The following ATP2C1 variants were observed in gnomAD, a reference collection of about 807,000 sequenced individuals.
ATP2C1 encodes ATPase secretory pathway Ca2+ transporting 1, also known as calcium-transporting ATPase type 2C member 1.
ATP2C1 carries 31 observed loss-of-function variants against 120.5 expected under a neutral mutation model. That is an observed-to-expected ratio of 0.26 (90% CI 0.19 to 0.35). The LOEUF (loss-of-function observed/expected upper bound fraction) is 0.35. Among genes scored for constraint, ATP2C1 ranks in the 10% least tolerant of loss-of-function variants. The pLI, the probability that ATP2C1 is intolerant of heterozygous loss-of-function variation, is 1.00. For missense variants in ATP2C1, 731 were observed against 1,107.5 expected (o/e 0.66, Z 4.83); for synonymous variants, 351 against 358.7 (o/e 0.98, Z 0.24).
chr3:130,934,832 T>C, intron 5 of ATP2C1, 121 bp downstream of exon 5: 1 of 720,114 alleles, frequency 1.4e-6, no homozygotes, highest in Non-Finnish European at 2.4e-6. Flanking sequence ...AAATTCTGCT[T>C]TTATTTTATT....
intron 2 of ATP2C1, among the ~76,000 whole-genome samples, chr3:130,905,227 G>A (rs2669865): frequency 0.17 from 26,152 of 151,854 alleles, 2,433 homozygotes; most frequent in Middle Eastern, 0.22. Flanking sequence ...AGCTAGCAGT[G>A]TATATGTTTG....
chr3:130,966,014 G>T (rs759474039), intron 14 of ATP2C1, among the ~76,000 whole-genome samples: 1 of 152,158 alleles, frequency 6.6e-6, no homozygotes, highest in East Asian at 1.9e-4. Context: ...TTATGGACAG[G>T]TCTAATCCTA....
intron 1 of ATP2C1, among the ~76,000 whole-genome samples, chr3:130,879,802 T>C (rs1294115294): frequency 6.6e-6 from 1 of 152,260 alleles, no homozygotes; most frequent in Admixed American, 6.5e-5. Flanking sequence ...TTTCTTTGGC[T>C]GTCATCAACA....
At chr3:131,013,364 C>T (rs1449133590) in intron 26 of ATP2C1, among the ~76,000 whole-genome samples, 1 of 152,162 alleles carries the variant, frequency 6.6e-6, no homozygotes, top group East Asian at 1.9e-4. Flanking sequence ...AATACTTTCA[C>T]ATCTCATTAA....
intron 11 of ATP2C1, among the ~76,000 whole-genome samples, chr3:130,957,160 G>T (rs113852452): frequency 1.3e-5 from 2 of 152,086 alleles, no homozygotes; most frequent in Non-Finnish European, 2.9e-5. Flanking sequence ...AGACACAAAT[G>T]GGTTAAAACA....
In ATP2C1 at chr3:130,975,382, G is replaced by A. The variant is rs1483495791; in HGVS notation, c.1464G>A (p.Lys488=). 1.9e-6 allele frequency: 3 copies of A among 1,613,842 alleles called. No homozygotes were observed. The South Asian group carries it at 3.3e-5, about 18-fold the overall frequency. Residue 488 remains lysine (K), a synonymous_variant, in exon 18 of 28, where the codon AAG becomes AAA. Coordinates refer to ENST00000510168, the MANE Select transcript of ATP2C1 (RefSeq NM_001378687.1). ...AAGGTGCTTACGAACAAGTAATTAA[G>A]TACTGTACTACATACCAGAGCAAAG... The part of the protein sequence containing the change: ...FMKGAYEQVI[K]YCTTYQSKGQ...
intron 1 of ATP2C1, among the ~76,000 whole-genome samples, chr3:130,852,184 G>C (rs2067695129): frequency 1.3e-5 from 2 of 152,152 alleles, no homozygotes; most frequent in African/African-American, 4.8e-5. Flanking sequence ...ACTTGCTTTT[G>C]ATGTAGAAAG....
chr3:130,961,255 T>G (rs2108610150), intron 12 of ATP2C1, among the ~76,000 whole-genome samples: 1 of 151,850 alleles, frequency 6.6e-6, no homozygotes, highest in South Asian at 2.1e-4. Flanking sequence ...TTTGGGTTTT[T>G]TTTTTTTTGA....
intron 20 of ATP2C1, among the ~76,000 whole-genome samples, chr3:130,986,893 GT>G (rs1474401401): frequency 3.2e-5 from 1 of 31,098 alleles, no homozygotes; most frequent in African/African-American, 8.4e-5. Flanking sequence ...GTTTAGTTTA[GT>G]TTAGTTTAGT....
At chr3:130,893,704 C>G (rs768955143), upstream of ATP2C1, among the ~76,000 whole-genome samples, 1 of 152,232 alleles carries the variant, frequency 6.6e-6, no homozygotes, top group Non-Finnish European at 1.5e-5. Flanking sequence ...TTGGGCCGAC[C>G]CCGCGGCCGC....
rs1234729689 is a variant in ATP2C1, at chr3:130,964,978, C to T, written c.1055C>T (p.Thr352Ile). The change falls in exon 14 of 28, where the codon ACT (threonine) becomes ATT (isoleucine). Residue 352 changes from threonine to isoleucine, a missense_variant. Physicochemically the swap from Thr to Ile is moderately conservative, Grantham distance 89 (BLOSUM62 -1). Around this residue, in one of 3 missense-constraint regions of ATP2C1, gnomAD observed 571 missense variants for 845.9 expected, o/e 0.67. Transcript: ENST00000510168. ...TGTAATGTGATTTGTTCAGATAAAA[C>T]TGGAACACTGACGAAGAATGAAATG... ...GCCNVICSDK[T>I]GTLTKNEMTV... 1 of 1,611,400 alleles carries T rather than the reference C, an allele frequency of 6.2e-7. No individual in the cohort carries two copies. The highest frequency in any genetic ancestry group is 1.3e-5 in the African/African-American group (1 of 74,804).
chr3:131,001,163 A>C (rs2062870361), intron 27 of ATP2C1, 57 bp from the exon 28 acceptor site: 15 of 1,404,104 alleles, frequency 1.1e-5, no homozygotes, highest in Non-Finnish European at 1.5e-5. Flanking sequence ...TAAGCTATTA[A>C]GCTTTGCAAC....
intron 26 of ATP2C1, among the ~76,000 whole-genome samples, chr3:130,999,276 T>C (rs780577488): frequency 1.3e-5 from 2 of 152,208 alleles, no homozygotes; most frequent in Admixed American, 6.5e-5. Context: ...GTCTAAATTA[T>C]ATAGTGTCAC....
chr3:130,944,483 C>G (rs1410560330), intron 8 of ATP2C1, among the ~76,000 whole-genome samples: 1 of 152,216 alleles, frequency 6.6e-6, no homozygotes, highest in African/African-American at 2.4e-5. Context: ...AGAGTCCTCA[C>G]ATGGCGGAGA....
At chr3:130,952,685 G>A (rs1044650173) in intron 8 of ATP2C1, among the ~76,000 whole-genome samples, 2 of 152,116 alleles carry the variant, frequency 1.3e-5, no homozygotes, top group Admixed American at 1.3e-4. Context: ...TGTTTGTTGG[G>A]TGAATGAATG....
intron 16 of ATP2C1, among the ~76,000 whole-genome samples, chr3:130,968,860 C>T (rs218500): frequency 0.91 from 138,585 of 152,194 alleles, 63,280 homozygotes; most frequent in Non-Finnish European, 0.95. Flanking sequence ...TATAAAGTGG[C>T]AGAGGGTAAG....
Position 130,881,412 on chromosome 3 carries a change from G to A in ATP2C1, c.108+30484G>A, listed in dbSNP as rs183426994. Reference sequence around the variant, plus strand: ...GTCTCTCTCTCATCCAGGCTGGAGCGCAGTGGTGTGAACATGGCTCACCAC... The same window carrying A: ...GTCTCTCTCTCATCCAGGCTGGAGCACAGTGGTGTGAACATGGCTCACCAC... On this transcript the variant is annotated intron_variant, in intron 1 of 26. Transcript: ENST00000504381. Among the ~76,000 whole-genome samples, 103 of 150,382 alleles carry A rather than the reference G, an allele frequency of 6.8e-4. 1 individual carries two copies. The highest frequency in any genetic ancestry group is 4.0e-3 in the South Asian group (19 of 4,750).
chr3:130,913,536 C>A (rs12108003), intron 2 of ATP2C1, among the ~76,000 whole-genome samples: 10,355 of 152,210 alleles, frequency 0.068, 1,134 homozygotes, highest in African/African-American at 0.23. Flanking sequence ...TACAGCCTTA[C>A]TGTACTTAAG....
At chr3:130,883,441 T>G (rs1229725778) in intron 1 of ATP2C1, among the ~76,000 whole-genome samples, 1 of 150,782 alleles carries the variant, frequency 6.6e-6, no homozygotes, top group Non-Finnish European at 1.5e-5. Flanking sequence ...ATTAGGATAT[T>G]TATTTGAAGT....
Sources: gnomAD v4.1 joint callset for allele counts (sites outside exome capture counted in the v4.1 genomes callset) on GRCh38, gnomAD v4.1.1 for gene constraint, gnomAD v4.1.1 regional missense constraint, MANE v1.5 for transcripts, NCBI Gene and HGNC (gene_info 2026-07-23, HGNC 2026-07-21) for gene names.